CCDC171: variants seen among roughly 807,000 people sequenced by gnomAD.
CCDC171 encodes coiled-coil domain containing 171, also known as coiled-coil domain-containing protein 171.
CCDC171 carries 177 observed loss-of-function variants against 168.2 expected under a neutral mutation model. That is an observed-to-expected ratio of 1.05 (90% CI 0.93 to 1.19). The LOEUF (loss-of-function observed/expected upper bound fraction) is 1.19. CCDC171 is among the 50% of genes most tolerant of loss of function. The pLI is 0.00. For missense variants in CCDC171, 1,991 were observed against 1,539.0 expected, an observed-to-expected ratio of 1.29 and a Z score of -4.91; for synonymous variants, 687 against 540.8, an observed-to-expected ratio of 1.27 and a Z score of -3.75.
chr9:15,648,404 C>G (rs1303078825), intron 7 of CCDC171, among the ~76,000 whole-genome samples: 3 of 152,100 alleles, frequency 2.0e-5, no homozygotes, highest in East Asian at 1.9e-4. Flanking sequence ...CCAGGGCAAT[C>G]AGGCAGGAGA....
chr9:15,808,780 G>A lies in CCDC171; in HGVS notation c.3267+24086G>A, dbSNP rs369213602. On this transcript the variant is annotated intron_variant, in intron 21 of 25. Transcript: ENST00000380701. Reference sequence around the variant, plus strand: ...TCTGTGTTGTCTTTCAAGTCACCCAGAATGATAGGATGTTGCCTTAGTCTA... The same window carrying A: ...TCTGTGTTGTCTTTCAAGTCACCCAAAATGATAGGATGTTGCCTTAGTCTA... 8.5e-5 allele frequency among the ~76,000 whole-genome samples: 13 copies of A among 152,174 alleles called. No individual in the cohort carries two copies. The East Asian group carries it at 1.3e-3, about 16-fold the overall frequency.
chr9:15,602,639 T>TTTTTTTTG (rs2042940754), intron 6 of CCDC171, among the ~76,000 whole-genome samples: 1 of 34,616 alleles, frequency 2.9e-5, no homozygotes, highest in Non-Finnish European at 5.5e-5. Flanking sequence ...TTTCTTTTTT[T>TTTTTTTTG]TTTTTTTCTT....
chr9:15,857,943 A>C (rs1048885547), intron 23 of CCDC171, among the ~76,000 whole-genome samples: 1 of 151,692 alleles, frequency 6.6e-6, no homozygotes, highest in African/African-American at 2.4e-5. Flanking sequence ...TGATATATAT[A>C]TATGTATATA....
chr9:15,651,496 A>T (rs540183823), intron 7 of CCDC171, among the ~76,000 whole-genome samples: 1 of 151,826 alleles, frequency 6.6e-6, no homozygotes. Context: ...ACCTCAAGCA[A>T]TCCTCTCACC....
intron 7 of CCDC171, among the ~76,000 whole-genome samples, chr9:15,636,151 T>A (rs1238699382): frequency 6.6e-6 from 1 of 152,056 alleles, no homozygotes; most frequent in African/African-American, 2.4e-5. Context: ...TTATTTGTAC[T>A]ATGTATATAT....
intron 25 of CCDC171, 37 bp from the exon 26 acceptor site, chr9:15,971,572 C>A: frequency 6.9e-7 from 1 of 1,459,180 alleles, no homozygotes; most frequent in Non-Finnish European, 9.5e-7. Context: ...GAGTTTTCAA[C>A]TCTATGTTTA....
intron 4 of CCDC171, among the ~76,000 whole-genome samples, chr9:15,590,794 T>C (rs1263213564): frequency 6.8e-5 from 10 of 147,854 alleles, no homozygotes; most frequent in African/African-American, 2.5e-4. Context: ...TCTTTCTTTC[T>C]TTCTTTCTTT....
At chr9:16,072,555 C>G in the CCDC171 span, among the ~76,000 whole-genome samples, 1 of 152,158 alleles carries the variant, frequency 6.6e-6, no homozygotes, top group Non-Finnish European at 1.5e-5. Context: ...TTACAAAGCT[C>G]ATATCTAGCT....
At chr9:15,842,582 G>T (rs569642419) in intron 21 of CCDC171, among the ~76,000 whole-genome samples, 1 of 151,568 alleles carries the variant, frequency 6.6e-6, no homozygotes, top group African/African-American at 2.4e-5. Flanking sequence ...TTTTGATAAG[G>T]TTTTTTTTCT....
chr9:15,600,330 C>A (rs1327134100), intron 6 of CCDC171, among the ~76,000 whole-genome samples: 1 of 152,116 alleles, frequency 6.6e-6, no homozygotes, highest in African/African-American at 2.4e-5. Flanking sequence ...GGTGTCCTTT[C>A]TGTTTGTTAG....
chr9:15,897,515 A>G (rs1391722068), intron 24 of CCDC171, among the ~76,000 whole-genome samples: 1 of 152,148 alleles, frequency 6.6e-6, no homozygotes, highest in Non-Finnish European at 1.5e-5. Flanking sequence ...GAAGTTCCCA[A>G]GAAAATATCA....
intron 4 of CCDC171, among the ~76,000 whole-genome samples, chr9:15,590,822 TTTCTTTCTTTC>T (rs1363825013): frequency 9.4e-5 from 14 of 148,436 alleles, no homozygotes; most frequent in African/African-American, 3.0e-4. Context: ...TCTTTCTTTC[TTTCTTTCTTTC>T]TTCTTCTTTC....
At chr9:15,807,209 T>G (rs1056344370) in intron 21 of CCDC171, among the ~76,000 whole-genome samples, 1 of 152,234 alleles carries the variant, frequency 6.6e-6, no homozygotes, top group Admixed American at 6.5e-5. Flanking sequence ...TGAATTCTAT[T>G]TCTGTCATTT....
chr9:15,965,234 A>G (rs1830689056), intron 25 of CCDC171, among the ~76,000 whole-genome samples: 1 of 152,240 alleles, frequency 6.6e-6, no homozygotes, highest in Admixed American at 6.5e-5. Context: ...AGACCACAAT[A>G]AAATATGCTA....
intron 8 of CCDC171, among the ~76,000 whole-genome samples, chr9:15,665,280 C>T (rs1489939278): frequency 2.0e-5 from 3 of 152,104 alleles, no homozygotes; most frequent in Admixed American, 1.3e-4. Context: ...GCGCCGGCTG[C>T]CTCCAGACTA....
At chr9:15,733,199 A>G (rs1588188077) in intron 16 of CCDC171, among the ~76,000 whole-genome samples, 1 of 152,162 alleles carries the variant, frequency 6.6e-6, no homozygotes, top group South Asian at 2.1e-4. Flanking sequence ...AGTTATTTAC[A>G]TACCGGAGGT....
chr9:16,090,824 G>A, the CCDC171 span, among the ~76,000 whole-genome samples: 1 of 152,342 alleles, frequency 6.6e-6, no homozygotes, highest in South Asian at 2.1e-4. Flanking sequence ...CTGATGCAGT[G>A]AAGCCCTTTC....
At chr9:16,003,214 T>A (rs1422258745) in intron 3 of CCDC171, among the ~76,000 whole-genome samples, 1 of 152,234 alleles carries the variant, frequency 6.6e-6, no homozygotes, top group Non-Finnish European at 1.5e-5. Flanking sequence ...TGTGTAACCT[T>A]GAGCAAGTCA....
chr9:15,787,636 G>T (rs2058038047), intron 21 of CCDC171, among the ~76,000 whole-genome samples: 1 of 152,110 alleles, frequency 6.6e-6, no homozygotes, highest in East Asian at 1.9e-4. Flanking sequence ...TCATCAGGAT[G>T]AATTCCTAGA....
Sources: gnomAD v4.1 joint callset for allele counts (sites outside exome capture counted in the v4.1 genomes callset) on GRCh38, gnomAD v4.1.1 for gene constraint, MANE v1.5 for transcripts, NCBI Gene and HGNC (gene_info 2026-07-23, HGNC 2026-07-21) for gene names.